TAF4B: variants seen among roughly 807,000 people sequenced by gnomAD.
The protein encoded by TAF4B is TATA-box binding protein associated factor 4b.
In TAF4B, 38 loss-of-function variants were observed where a neutral mutation model predicts 86.4. The observed-to-expected ratio is 0.44, with a 90% CI of 0.34 to 0.58. The LOEUF (loss-of-function observed/expected upper bound fraction) is 0.58, where lower values mean the gene tolerates loss of function less well. Among genes scored for constraint, TAF4B ranks in the 20% least tolerant of loss-of-function variants. TAF4B has a pLI of 0.02. For missense variants in TAF4B, 988 were observed against 1,027.6 expected, an observed-to-expected ratio of 0.96 and a Z score of 0.53; for synonymous variants, 388 against 391.2, an observed-to-expected ratio of 0.99 and a Z score of 0.10.
chr18:26,386,376 A>T (rs1443689557), intron 14 of TAF4B, among the ~76,000 whole-genome samples: 1 of 150,572 alleles, frequency 6.6e-6, no homozygotes. Context: ...CTTTGCTTCC[A>T]TGTTAATTTC....
chr18:26,379,979 T>C (rs969643241), intron 14 of TAF4B, among the ~76,000 whole-genome samples: 2 of 152,164 alleles, frequency 1.3e-5, no homozygotes, highest in Non-Finnish European at 2.9e-5. Flanking sequence ...CATATCAAAG[T>C]AAAGTTGATT....
chr18:26,382,764 TGTAAA>T (rs1978297333), intron 14 of TAF4B, among the ~76,000 whole-genome samples: 1 of 152,216 alleles, frequency 6.6e-6, no homozygotes, highest in South Asian at 2.1e-4. Context: ...TGCCAAACAC[TGTAAA>T]GTATTCACAG....
chr18:26,256,008 G>A, intron 1 of TAF4B: 1 of 1,281,058 alleles, frequency 7.8e-7, no homozygotes, highest in Non-Finnish European at 1.1e-6. Flanking sequence ...TCAGAATTAC[G>A]ATGTTTAAAT....
At chr18:26,262,017 C>T (rs2056175156) in intron 1 of TAF4B, among the ~76,000 whole-genome samples, 1 of 152,172 alleles carries the variant, frequency 6.6e-6, no homozygotes, top group African/African-American at 2.4e-5. Context: ...CTGCTCACCT[C>T]TCCCAACATG....
chr18:26,330,004 A>G (rs548599660), intron 12 of TAF4B, among the ~76,000 whole-genome samples: 28 of 152,230 alleles, frequency 1.8e-4, no homozygotes, highest in African/African-American at 6.5e-4. Flanking sequence ...GAGTCTCACT[A>G]TATTGCCCAG....
intron 1 of TAF4B, chr18:26,255,549 C>T (rs1402856646): frequency 5.5e-6 from 3 of 542,032 alleles, no homozygotes; most frequent in African/African-American, 2.1e-5. Context: ...TTGCAGTGAG[C>T]CAAGATCACG....
chr18:26,323,949 C>A (rs1410296348), intron 11 of TAF4B, among the ~76,000 whole-genome samples: 1 of 152,064 alleles, frequency 6.6e-6, no homozygotes, highest in Non-Finnish European at 1.5e-5. Context: ...TTTGCTATTT[C>A]TTTTCTGTAT....
intron 14 of TAF4B, among the ~76,000 whole-genome samples, chr18:26,363,918 A>G (rs953619568): frequency 1.3e-5 from 2 of 152,192 alleles, no homozygotes; most frequent in African/African-American, 4.8e-5. Context: ...GAGCACTCTC[A>G]GTTGGGAAGA....
At chr18:26,247,443 G>A (rs1002187721) in intron 1 of TAF4B, among the ~76,000 whole-genome samples, 1 of 152,132 alleles carries the variant, frequency 6.6e-6, no homozygotes, top group Non-Finnish European at 1.5e-5. Flanking sequence ...GGGTCTTTAA[G>A]TTATCTCAGT....
At chr18:26,361,780 G>C (rs965200507) in intron 14 of TAF4B, among the ~76,000 whole-genome samples, 1 of 148,990 alleles carries the variant, frequency 6.7e-6, no homozygotes, top group Non-Finnish European at 1.5e-5. Context: ...GGAAAAATTA[G>C]TTCAGCATAG....
intron 1 of TAF4B, among the ~76,000 whole-genome samples, chr18:26,244,698 T>G (rs114407298): frequency 0.042 from 6,429 of 152,236 alleles, 439 homozygotes; most frequent in African/African-American, 0.15. Context: ...TCGGCCATCT[T>G]GGAACCTCCC....
intron 14 of TAF4B, among the ~76,000 whole-genome samples, chr18:26,375,679 G>A (rs2057437859): frequency 6.6e-6 from 1 of 152,088 alleles, no homozygotes; most frequent in Non-Finnish European, 1.5e-5. Context: ...ATCTTTTCAT[G>A]TGCTTGTAGA....
At position 26,271,613 on chromosome 18, in the gene TAF4B, G is replaced by A. The variant is rs149281136; in HGVS notation, c.598-3050G>A. ...TTGGCTGGTCTGTTGAGTCAAAGGC[G>A]GAGTTGTGATTGAGTTTAAGACACT... On this transcript the variant is annotated intron_variant, in intron 3 of 14. Coordinates refer to ENST00000269142, the MANE Select transcript of TAF4B (RefSeq NM_005640.3). Among the ~76,000 whole-genome samples, 303 of 152,212 alleles carry A rather than the reference G, an allele frequency of 2.0e-3. 2 individuals are homozygous for A. Among genetic ancestry groups the A allele is most frequent in the African/African-American group, 7.1e-3 (293 of 41,542 alleles).
At chr18:26,308,786 C>T (rs940553349) in intron 9 of TAF4B, among the ~76,000 whole-genome samples, 2 of 148,012 alleles carry the variant, frequency 1.4e-5, no homozygotes, top group African/African-American at 2.5e-5. Flanking sequence ...ACAGGGGAAT[C>T]GCTGGAACCT....
chr18:26,251,748 T>C (rs1349466540), intron 1 of TAF4B, among the ~76,000 whole-genome samples: 3 of 152,200 alleles, frequency 2.0e-5, no homozygotes, highest in Non-Finnish European at 4.4e-5. Flanking sequence ...TAACATTCAG[T>C]TTCCCTTTGT....
chr18:26,324,567 A>G (rs2056989392), intron 11 of TAF4B, among the ~76,000 whole-genome samples: 1 of 152,236 alleles, frequency 6.6e-6, no homozygotes, highest in Admixed American at 6.5e-5. Context: ...GTTGTATATC[A>G]GTAGCGTATT....
chr18:26,306,979 C>G (rs759873257), intron 9 of TAF4B, among the ~76,000 whole-genome samples: 12 of 151,944 alleles, frequency 7.9e-5, no homozygotes, highest in Non-Finnish European at 1.3e-4. Context: ...GACGGAGTTT[C>G]ACCGTGTTAG....
chr18:26,325,973 T>A (rs2057000396), intron 11 of TAF4B, among the ~76,000 whole-genome samples: 1 of 152,200 alleles, frequency 6.6e-6, no homozygotes, highest in African/African-American at 2.4e-5. Context: ...CACAGTTAAT[T>A]GAATCAACCA....
intron 13 of TAF4B, among the ~76,000 whole-genome samples, chr18:26,354,903 A>G (rs1213410349): frequency 6.6e-6 from 1 of 152,142 alleles, no homozygotes; most frequent in African/African-American, 2.4e-5. Flanking sequence ...TTTTCTTTCC[A>G]TATAAACTTT....
Sources: gnomAD v4.1 joint callset for allele counts (sites outside exome capture counted in the v4.1 genomes callset) on GRCh38, gnomAD v4.1.1 for gene constraint, MANE v1.5 for transcripts, NCBI Gene and HGNC (gene_info 2026-07-23, HGNC 2026-07-21) for gene names.